The following CELF5 variants were observed in gnomAD, a reference collection of about 807,000 sequenced individuals.
CELF5 encodes CUGBP Elav-like family member 5.
In CELF5, 6 loss-of-function variants were observed where a neutral mutation model predicts 54.9. The ratio of observed to expected loss-of-function variants is 0.11; its 90% CI spans 0.06 to 0.22. The LOEUF (loss-of-function observed/expected upper bound fraction) is 0.22, where lower values mean the gene tolerates loss of function less well. CELF5 is among the 10% of genes least tolerant of loss of function. The pLI is 1.00. For missense variants in CELF5, 401 were observed against 678.6 expected, an observed-to-expected ratio of 0.59 and a Z score of 4.54; for synonymous variants, 271 against 290.9, an observed-to-expected ratio of 0.93 and a Z score of 0.70.
At position 3,284,623 on chromosome 19, in the gene CELF5, C is replaced by T. The variant is rs1374143097; in HGVS notation, c.1040-279C>T. The stretch of plus-strand genomic sequence containing the variant: ...TGAAGGGTCCCCCTTGGGAGGCAAC[C>T]GGGTCGGGATAGGGAGAGGGAGATG... On this transcript the variant is annotated intron_variant, in intron 8 of 12. Transcript: ENST00000292672. 6 of 480,626 alleles carry T rather than the reference C, an allele frequency of 1.2e-5. 1 individual carries two copies. Among genetic ancestry groups the T allele is most frequent in the South Asian group, 7.8e-5 (3 of 38,444 alleles). 29.8% of individuals were successfully genotyped at this position (480,626 alleles called of 1,614,324 possible). A position where few individuals can be genotyped will look rare whatever the true frequency, so the allele number is the denominator to read the frequency against.
At chr19:3,261,797 G>A (rs906332922) in intron 2 of CELF5, among the ~76,000 whole-genome samples, 1 of 152,108 alleles carries the variant, frequency 6.6e-6, no homozygotes, top group Admixed American at 6.6e-5. Context: ...CTCCAGCCTG[G>A]GCAGTGGAGT....
intron 2 of CELF5, among the ~76,000 whole-genome samples, chr19:3,261,547 G>C (rs1265451467): frequency 6.6e-6 from 1 of 152,126 alleles, no homozygotes; most frequent in Non-Finnish European, 1.5e-5. Context: ...ACCAGGCCTG[G>C]TGGTTCTCAC....
intron 10 of CELF5, among the ~76,000 whole-genome samples, chr19:3,287,041 AAAAAAAAAAAAAG>A (rs2080263381): frequency 6.8e-6 from 1 of 147,412 alleles, no homozygotes; most frequent in Non-Finnish European, 1.5e-5. Flanking sequence ...TCTCAAAAAA[AAAAAAAAAAAAAG>A]AAAAGAAAAG....
chr19:3,272,383 AAAAAG>A (rs1244405283), intron 2 of CELF5, among the ~76,000 whole-genome samples: 1 of 152,134 alleles, frequency 6.6e-6, no homozygotes, highest in Non-Finnish European at 1.5e-5. Flanking sequence ...AAAAAAAGAA[AAAAAG>A]AAAAGAAAAA....
intron 2 of CELF5, among the ~76,000 whole-genome samples, chr19:3,262,160 G>A (rs990129438): frequency 4.6e-5 from 7 of 151,876 alleles, no homozygotes; most frequent in Non-Finnish European, 8.8e-5. Context: ...TCAGTCTCCC[G>A]AGTAGCTGGG....
Position 3,282,319 on chromosome 19 carries a change from C to A in CELF5, c.893-33C>A. On this transcript the variant is annotated intron_variant, in intron 7 of 12. Coordinates refer to ENST00000292672, the MANE Select transcript of CELF5 (RefSeq NM_021938.4). The surrounding 1 kb of genome is among the most constrained non-coding windows in gnomAD (Gnocchi z 5.2). ...TGGGTGGGCAGGGCTGGAGCCAGAA[C>A]TGGCCTCCCCATGACCCTCTTCCGC... 1 of 1,608,476 alleles carries A rather than the reference C, an allele frequency of 6.2e-7. No individual in the cohort carries two copies.
rs138993708 is a variant in CELF5 at position 3,233,230 on chromosome 19, G to A, written c.259+8232G>A. On this transcript the variant is annotated intron_variant, in intron 1 of 12. Coordinates refer to ENST00000292672, the MANE Select transcript of CELF5 (RefSeq NM_021938.4). ...TGAGCCTGGGGAGGTGGAGGCTACA[G>A]TGAGCCATGATTATGCCACTGCACT... 9.2e-3 allele frequency among the ~76,000 whole-genome samples: 1,403 copies of A among 152,276 alleles called. 10 individuals are homozygous for A. Among genetic ancestry groups the A allele is most frequent in the Non-Finnish European group, 0.014 (969 of 68,028 alleles).
chr19:3,290,379 G>GTGGCC lies in CELF5; in HGVS notation c.1330+6_1330+10dup, dbSNP rs764034505. On this transcript the variant is annotated splice_donor_region_variant and intron_variant, in intron 11 of 12. Transcript: ENST00000292672. ...CCAACCAGAGCAAGTGTTTCGGTGAGTGGCCGCCGACGCCACCCCTCCCCA... is the reference window on the plus strand; with the variant it reads ...CCAACCAGAGCAAGTGTTTCGGTGAGTGGCCTGGCCGCCGACGCCACCCCTCCCCA... 6.2e-7 allele frequency: 1 copy of GTGGCC among 1,612,770 alleles called. No homozygotes were observed. Among genetic ancestry groups the GTGGCC allele is most frequent in the Admixed American group, 1.7e-5 (1 of 59,962 alleles).
chr19:3,246,090 G>A (rs1261177517), intron 1 of CELF5, among the ~76,000 whole-genome samples: 1 of 152,364 alleles, frequency 6.6e-6, no homozygotes, highest in East Asian at 1.9e-4. Flanking sequence ...AAGGCCGGGT[G>A]CGGTGGCTTA....
rs1020804862 is a variant in CELF5 at position 3,248,969 on chromosome 19, C to G, written c.260-2016C>G. On this transcript the variant is annotated intron_variant, in intron 1 of 12. Coordinates refer to ENST00000292672, the MANE Select transcript of CELF5 (RefSeq NM_021938.4). Reference sequence around the variant, plus strand: ...TTCTTTCTTTTCTTAATGCTGGAAACTGTTGTCAGCTCTGCCTGGTACCCC... The same window carrying G: ...TTCTTTCTTTTCTTAATGCTGGAAAGTGTTGTCAGCTCTGCCTGGTACCCC... Among the ~76,000 whole-genome samples, 4 of 147,614 alleles carry G rather than the reference C, an allele frequency of 2.7e-5. No individual in the cohort carries two copies. The South Asian group carries it at 8.5e-4, about 31-fold the overall frequency.
intron 1 of CELF5, among the ~76,000 whole-genome samples, chr19:3,231,849 CATGA>C (rs1404458917): frequency 6.7e-6 from 1 of 149,276 alleles, no homozygotes; most frequent in Non-Finnish European, 1.5e-5. Context: ...TGGATGGATG[CATGA>C]ATGAATGAGT....
intron 5 of CELF5, among the ~76,000 whole-genome samples, chr19:3,279,181 GA>G (rs1178255111): frequency 6.6e-6 from 1 of 151,544 alleles, no homozygotes. Flanking sequence ...GGGCTGATCA[GA>G]AAACAGACAT....
At chr19:3,283,415 G>T (rs1018815534) in intron 8 of CELF5, among the ~76,000 whole-genome samples, 1 of 150,846 alleles carries the variant, frequency 6.6e-6, no homozygotes, top group African/African-American at 2.4e-5. Context: ...CAGTGGTGTC[G>T]TCGCAGCTCA....
chr19:3,281,337 G>A lies in CELF5; in HGVS notation c.742G>A (p.Ala248Thr), dbSNP rs777120251. The change falls in exon 6 of 13, where the codon GCC (alanine) becomes ACC (threonine). Residue 248 changes from alanine to threonine, a missense_variant. Ala to Thr is a moderately conservative substitution (Grantham distance 58, BLOSUM62 0). This residue lies in a region of CELF5 where 87 missense variants were observed against 190.2 expected (regional missense o/e 0.46). Transcript: ENST00000292672. This position sits in a 1 kb window ranked among gnomAD's most constrained non-coding sequence, Gnocchi z 6.5. ...GCCCTTCAGCCCCTACAGTGCCTACGCCCAGGCTGTGAGTGACCCAGTGAC... is the reference window on the plus strand; with the variant it reads ...GCCCTTCAGCCCCTACAGTGCCTACACCCAGGCTGTGAGTGACCCAGTGAC... Reference protein sequence around the residue: ...TLPFSPYSAYAQALMQQQTTV... With the variant: ...TLPFSPYSAYTQALMQQQTTV... 4 of 1,604,912 alleles carry A rather than the reference G, an allele frequency of 2.5e-6. No individual in the cohort carries two copies. Among genetic ancestry groups the A allele is most frequent in the East Asian group, 2.2e-5 (1 of 44,712 alleles).
chr19:3,285,850 T>A, intron 9 of CELF5, 92 bp from the exon 10 acceptor site: 11 of 392,058 alleles, frequency 2.8e-5, no homozygotes, highest in Non-Finnish European at 4.1e-5. Flanking sequence ...CCCCACCCTC[T>A]TATGGCCCCG....
intron 5 of CELF5, among the ~76,000 whole-genome samples, chr19:3,280,106 G>T (rs1032295505): frequency 6.6e-6 from 1 of 152,234 alleles, no homozygotes; most frequent in Non-Finnish European, 1.5e-5. Context: ...AGGGCTGCCT[G>T]TTGGTGGATT....
chr19:3,280,252 C>T (rs2080126079), intron 5 of CELF5, among the ~76,000 whole-genome samples: 1 of 152,012 alleles, frequency 6.6e-6, no homozygotes, highest in African/African-American at 2.4e-5. Context: ...GTGGATGGGC[C>T]ACAGGTTCAT....
intron 1 of CELF5, among the ~76,000 whole-genome samples, chr19:3,230,192 T>G (rs1244941985): frequency 6.6e-6 from 1 of 152,134 alleles, no homozygotes; most frequent in African/African-American, 2.4e-5. Flanking sequence ...AGCTAGACAT[T>G]GGCACCTATA....
At chr19:3,285,619 C>T (rs1386678408) in intron 9 of CELF5, among the ~76,000 whole-genome samples, 1 of 138,658 alleles carries the variant, frequency 7.2e-6, no homozygotes, top group Non-Finnish European at 1.6e-5. Context: ...CCGCCCTCTA[C>T]TGTGGCCCAA....
Sources: gnomAD v4.1 joint callset for allele counts (sites outside exome capture counted in the v4.1 genomes callset) on GRCh38, gnomAD v4.1.1 for gene constraint, gnomAD v4.1.1 regional missense constraint, Gnocchi (gnomAD v3.1) non-coding constraint, MANE v1.5 for transcripts, NCBI Gene and HGNC (gene_info 2026-07-23, HGNC 2026-07-21) for gene names.